CDH4: variants seen among roughly 807,000 people sequenced by gnomAD.
CDH4 encodes cadherin 4.
CDH4 carries 33 observed loss-of-function variants against 86.0 expected under a neutral mutation model. The ratio of observed to expected loss-of-function variants is 0.38; its 90% CI spans 0.29 to 0.51. CDH4 has a LOEUF of 0.51. Ranked by LOEUF, CDH4 falls within the 20% of genes least tolerant of loss-of-function variation. The pLI, the probability that CDH4 is intolerant of heterozygous loss-of-function variation, is 0.86. For missense variants in CDH4, 1,114 were observed against 1,307.4 expected (o/e 0.85, Z 2.28); for synonymous variants, 555 against 549.4 (o/e 1.01, Z -0.14).
chr20:61,700,779 A>G (rs1397376739), intron 2 of CDH4, among the ~76,000 whole-genome samples: 1 of 152,122 alleles, frequency 6.6e-6, no homozygotes, highest in East Asian at 1.9e-4. Context: ...GTCTGTCTTC[A>G]TGGCCCAGGC....
At chr20:61,448,750 T>C (rs1200718656) in intron 2 of CDH4, among the ~76,000 whole-genome samples, 1 of 152,188 alleles carries the variant, frequency 6.6e-6, no homozygotes, top group Non-Finnish European at 1.5e-5. Flanking sequence ...CGTGCAGTTC[T>C]GTATAATGAA....
At chr20:61,820,828 G>A (rs1980982893) in intron 4 of CDH4, among the ~76,000 whole-genome samples, 1 of 152,138 alleles carries the variant, frequency 6.6e-6, no homozygotes, top group Non-Finnish European at 1.5e-5. Context: ...TCAGCTCAAG[G>A]CAGCCAGGCA....
intron 7 of CDH4, among the ~76,000 whole-genome samples, chr20:61,884,759 G>T (rs1468531796): frequency 1.3e-5 from 2 of 152,186 alleles, no homozygotes; most frequent in Non-Finnish European, 2.9e-5. Flanking sequence ...GTGCCACCCA[G>T]GCAGCACCTC....
intron 4 of CDH4, among the ~76,000 whole-genome samples, chr20:61,777,951 GCA>G (rs898738933): frequency 2.0e-5 from 3 of 150,650 alleles, no homozygotes; most frequent in Admixed American, 6.6e-5. Flanking sequence ...ATACACACAT[GCA>G]CACACGTGCA....
At chr20:61,385,113 G>A (rs191294865) in intron 2 of CDH4, among the ~76,000 whole-genome samples, 79 of 152,242 alleles carry the variant, frequency 5.2e-4, no homozygotes, top group African/African-American at 1.8e-3. Flanking sequence ...GGGTTCTACC[G>A]GCACCAACTA....
intron 2 of CDH4, among the ~76,000 whole-genome samples, chr20:61,467,077 C>T (rs1326606146): frequency 6.6e-6 from 1 of 152,172 alleles, no homozygotes; most frequent in Non-Finnish European, 1.5e-5. Context: ...TAAACCATTG[C>T]AAACATTATT....
intron 8 of CDH4, among the ~76,000 whole-genome samples, chr20:61,910,064 G>A (rs1454187527): frequency 6.6e-6 from 1 of 152,270 alleles, no homozygotes; most frequent in East Asian, 1.9e-4. Flanking sequence ...CCCCTGAGCA[G>A]CCTGTCTTCT....
chr20:61,565,377 CCTCTTGGTGATGG>C (rs2086287512), intron 2 of CDH4, among the ~76,000 whole-genome samples: 1 of 47,658 alleles, frequency 2.1e-5, no homozygotes, highest in African/African-American at 7.5e-5. Flanking sequence ...TGGTGGTGGT[CCTCTTGGTGATGG>C]GGTGATGGTG....
intron 2 of CDH4, among the ~76,000 whole-genome samples, chr20:61,447,610 G>A (rs2085359041): frequency 7.0e-6 from 1 of 142,494 alleles, no homozygotes; most frequent in Non-Finnish European, 1.5e-5. Context: ...TCTCTCCCCT[G>A]CTCATTCTAC....
intron 2 of CDH4, among the ~76,000 whole-genome samples, chr20:61,620,342 G>A (rs563832977): frequency 6.2e-4 from 95 of 152,042 alleles, no homozygotes; most frequent in African/African-American, 2.2e-3. Context: ...ATAGATGGAT[G>A]GATAGATAGA....
chr20:61,741,609 A>C (rs1801505661), intron 2 of CDH4, among the ~76,000 whole-genome samples: 1 of 151,828 alleles, frequency 6.6e-6, no homozygotes, highest in Non-Finnish European at 1.5e-5. Context: ...CTTCTGCCTC[A>C]GCCTCCCGAG....
intron 2 of CDH4, among the ~76,000 whole-genome samples, chr20:61,363,301 A>G (rs1457138904): frequency 6.6e-6 from 1 of 152,082 alleles, no homozygotes; most frequent in Non-Finnish European, 1.5e-5. Context: ...AGCATCTATT[A>G]TCTGCCAAGT....
chr20:61,541,532 C>T (rs996546181), intron 2 of CDH4, among the ~76,000 whole-genome samples: 5 of 152,134 alleles, frequency 3.3e-5, no homozygotes, highest in Admixed American at 2.6e-4. Context: ...TAGAATTAGC[C>T]GATGTCACTA....
intron 2 of CDH4, among the ~76,000 whole-genome samples, chr20:61,540,113 C>T (rs923210129): frequency 2.0e-5 from 3 of 152,100 alleles, no homozygotes; most frequent in African/African-American, 7.2e-5. Context: ...GTGCATGCAC[C>T]GTAGCTCTCC....
chr20:61,281,566 G>C (rs1390753764), intron 2 of CDH4, among the ~76,000 whole-genome samples: 1 of 152,242 alleles, frequency 6.6e-6, no homozygotes, highest in Admixed American at 6.5e-5. Flanking sequence ...GACACCAAGT[G>C]CTCCTGGTGG....
chr20:61,354,765 G>T (rs777214657), intron 2 of CDH4, among the ~76,000 whole-genome samples: 2 of 152,192 alleles, frequency 1.3e-5, no homozygotes, highest in African/African-American at 2.4e-5. Context: ...TCGTCCCGGG[G>T]ATGACCAGCC....
chr20:61,415,198 C>T (rs1254582797), intron 2 of CDH4, among the ~76,000 whole-genome samples: 1 of 152,320 alleles, frequency 6.6e-6, no homozygotes, highest in South Asian at 2.1e-4. Flanking sequence ...CTCTGCCCCC[C>T]TACCCCAGAC....
chr20:61,867,092 G>A (rs913193083), intron 6 of CDH4, among the ~76,000 whole-genome samples: 2 of 152,246 alleles, frequency 1.3e-5, no homozygotes, highest in Non-Finnish European at 2.9e-5. Context: ...CTGCCTTCCA[G>A]GTGCCCACAC....
chr20:61,300,147 G>A (rs555628942), intron 2 of CDH4, among the ~76,000 whole-genome samples: 1 of 152,304 alleles, frequency 6.6e-6, no homozygotes, highest in Admixed American at 6.5e-5. Context: ...TGGGGAGGGC[G>A]GGTGGACAGC....
Sources: gnomAD v4.1 joint callset for allele counts (sites outside exome capture counted in the v4.1 genomes callset) on GRCh38, gnomAD v4.1.1 for gene constraint, MANE v1.5 for transcripts, NCBI Gene and HGNC (gene_info 2026-07-23, HGNC 2026-07-21) for gene names.